The following FARS2 variants were observed in gnomAD, a reference collection of about 807,000 sequenced individuals.
FARS2 encodes phenylalanine--tRNA ligase, mitochondrial.
Under a neutral mutation model 46.4 loss-of-function variants are expected in FARS2, and 40 were observed. The observed-to-expected ratio is 0.86, with a 90% confidence interval of 0.67 to 1.12. FARS2 has a LOEUF of 1.12. Among genes scored for constraint, FARS2 ranks in the 50% most tolerant of loss-of-function variants. The pLI, the probability that FARS2 is intolerant of heterozygous loss-of-function variation, is 0.00. For missense variants in FARS2, 513 were observed against 567.9 expected, an observed-to-expected ratio of 0.90 and a Z score of 0.98; for synonymous variants, 234 against 214.9, an observed-to-expected ratio of 1.09 and a Z score of -0.78.
chr6:5,268,169 A>G (rs888040647), intron 1 of FARS2, among the ~76,000 whole-genome samples: 1 of 151,724 alleles, frequency 6.6e-6, no homozygotes, highest in African/African-American at 2.4e-5. Flanking sequence ...GTTCACTCTG[A>G]TGGTAGTTTC....
chr6:5,553,940 A>C (rs1771510196), intron 5 of FARS2, among the ~76,000 whole-genome samples: 1 of 152,138 alleles, frequency 6.6e-6, no homozygotes, highest in Admixed American at 6.5e-5. Flanking sequence ...GTAAAAGGAG[A>C]TGGTCTGACT....
intron 1 of FARS2, among the ~76,000 whole-genome samples, chr6:5,365,317 CTTTTTTTTTTTTTTTTTT>C (rs61097603): frequency 7.3e-4 from 31 of 42,492 alleles, no homozygotes; most frequent in African/African-American, 2.9e-3. Context: ...AGTATACTTT[CTTTTTTTTTTTTTTTTTT>C]TTTTTTTTTT....
At chr6:5,252,113 C>T in the FARS2 span, among the ~76,000 whole-genome samples, 2 of 152,302 alleles carry the variant, frequency 1.3e-5, no homozygotes, top group African/African-American at 4.8e-5. Context: ...AATTTTACCA[C>T]TCATGAAACT....
intron 5 of FARS2, among the ~76,000 whole-genome samples, chr6:5,559,278 A>G (rs1771854056): frequency 6.6e-6 from 1 of 152,030 alleles, no homozygotes; most frequent in South Asian, 2.1e-4. Context: ...ATGGTGGTGC[A>G]CCTGTGGTAC....
intron 6 of FARS2, among the ~76,000 whole-genome samples, chr6:5,723,802 T>C (rs1760066636): frequency 6.6e-6 from 1 of 152,220 alleles, no homozygotes; most frequent in Non-Finnish European, 1.5e-5. Flanking sequence ...AAAATGAAAT[T>C]GGGAGGCTCC....
chr6:5,497,381 G>A (rs1767535600), intron 4 of FARS2, among the ~76,000 whole-genome samples: 1 of 152,172 alleles, frequency 6.6e-6, no homozygotes, highest in Admixed American at 6.5e-5. Flanking sequence ...TGTTGAGTTT[G>A]GAGCTGTTCT....
intron 6 of FARS2, among the ~76,000 whole-genome samples, chr6:5,713,648 G>A (rs913311711): frequency 2.6e-5 from 4 of 152,370 alleles, no homozygotes; most frequent in African/African-American, 7.2e-5. Flanking sequence ...GTGTCCATGG[G>A]CAGGTCTTGC....
intron 2 of FARS2, among the ~76,000 whole-genome samples, chr6:5,385,371 G>T (rs1760047473): frequency 6.6e-6 from 1 of 151,864 alleles, no homozygotes; most frequent in African/African-American, 2.4e-5. Flanking sequence ...AATTGAATTT[G>T]CTTGCTGCAT....
At chr6:5,256,466 G>A (rs1369507672), upstream of FARS2, among the ~76,000 whole-genome samples, 1 of 110,794 alleles carries the variant, frequency 9.0e-6, no homozygotes, top group African/African-American at 3.6e-5. Context: ...CTCCAGCCTG[G>A]GCAACAAGGG....
intron 5 of FARS2, among the ~76,000 whole-genome samples, chr6:5,596,281 C>A (rs751406579): frequency 6.6e-6 from 1 of 152,202 alleles, no homozygotes; most frequent in Non-Finnish European, 1.5e-5. Context: ...TTGATCCCAG[C>A]TCTCCTCTCG....
intron 6 of FARS2, among the ~76,000 whole-genome samples, chr6:5,743,419 T>C (rs746747015): frequency 1.4e-4 from 21 of 152,190 alleles, no homozygotes; most frequent in Non-Finnish European, 2.8e-4. Context: ...ATCACCTTCC[T>C]GACAGCAGCT....
intron 3 of FARS2, among the ~76,000 whole-genome samples, chr6:5,420,404 T>G (rs1318905834): frequency 1.3e-5 from 2 of 152,234 alleles, no homozygotes; most frequent in Non-Finnish European, 1.5e-5. Context: ...AAATCTCATC[T>G]GAGACAGGGC....
chr6:5,688,372 C>T (rs183887690), intron 6 of FARS2, among the ~76,000 whole-genome samples: 194 of 152,262 alleles, frequency 1.3e-3, no homozygotes, highest in Admixed American at 2.4e-3. Context: ...TGAGATACGT[C>T]CCATCAATAC....
At chr6:5,533,593 G>A (rs903849118) in intron 4 of FARS2, among the ~76,000 whole-genome samples, 2 of 152,216 alleles carry the variant, frequency 1.3e-5, no homozygotes, top group Non-Finnish European at 2.9e-5. Context: ...CTGCAGGCTA[G>A]CAGGGGAGTC....
In FARS2 at chr6:5,727,626, A is replaced by G. The variant is rs1183553527; in HGVS notation, c.1218-43665A>G. On this transcript the variant is annotated intron_variant, in intron 6 of 6. Transcript: ENST00000274680. The surrounding 1 kb of genome is among the most constrained non-coding windows in gnomAD (Gnocchi z 4.1). ...TTCCTACTGAGGCCATGCTTGGGCC[A>G]TTGTGGCACCTATACATCTTTAATA... 6.6e-6 allele frequency among the ~76,000 whole-genome samples: 1 copy of G among 152,214 alleles called. No individual in the cohort carries two copies. Among genetic ancestry groups the G allele is most frequent in the Non-Finnish European group, 1.5e-5 (1 of 68,036 alleles).
chr6:5,516,269 CCCA>C (rs1768785366), intron 4 of FARS2, among the ~76,000 whole-genome samples: 2 of 152,142 alleles, frequency 1.3e-5, no homozygotes, highest in African/African-American at 4.8e-5. Context: ...GTCACGTAGC[CCCA>C]TTAGACTATA....
chr6:5,594,501 A>G (rs1774090090), intron 5 of FARS2, among the ~76,000 whole-genome samples: 1 of 152,198 alleles, frequency 6.6e-6, no homozygotes, highest in Admixed American at 6.5e-5. Context: ...TTGGTTTTTA[A>G]TACAGAGAAT....
At chr6:5,510,070 C>T (rs149743050) in intron 4 of FARS2, among the ~76,000 whole-genome samples, 10 of 152,016 alleles carry the variant, frequency 6.6e-5, no homozygotes, top group Non-Finnish European at 1.2e-4. Context: ...AAGGCAGCAC[C>T]GCTAGATTTT....
At chr6:5,353,520 C>G (rs1462326189) in intron 1 of FARS2, among the ~76,000 whole-genome samples, 1 of 152,144 alleles carries the variant, frequency 6.6e-6, no homozygotes, top group African/African-American at 2.4e-5. Context: ...TTCCCACCAA[C>G]AGTGTATAAG....
Sources: gnomAD v4.1 joint callset for allele counts (sites outside exome capture counted in the v4.1 genomes callset) on GRCh38, gnomAD v4.1.1 for gene constraint, Gnocchi (gnomAD v3.1) non-coding constraint, MANE v1.5 for transcripts, NCBI Gene and HGNC (gene_info 2026-07-23, HGNC 2026-07-21) for gene names.